TYR: variants seen among roughly 807,000 people sequenced by gnomAD.
TYR encodes tyrosinase, also known as LB24-AB.
TYR carries 58 observed loss-of-function variants against 51.5 expected under a neutral mutation model. The observed-to-expected ratio is 1.13, with a 90% CI of 0.91 to 1.40. The LOEUF is 1.40. Among genes scored for constraint, TYR ranks in the 40% most tolerant of loss-of-function variants. The pLI, the probability that TYR is intolerant of heterozygous loss-of-function variation, is 0.00. For missense variants in TYR, 732 were observed against 647.4 expected (o/e 1.13, Z -1.42); for synonymous variants, 263 against 235.2 (o/e 1.12, Z -1.08).
intron 1 of TYR, among the ~76,000 whole-genome samples, chr11:89,186,597 G>T (rs1052157128): frequency 6.6e-6 from 1 of 152,120 alleles, no homozygotes; most frequent in Non-Finnish European, 1.5e-5. Flanking sequence ...GTGAGGTTGG[G>T]TGTTGATCCC....
intron 3 of TYR, among the ~76,000 whole-genome samples, chr11:89,258,244 A>T (rs915160093): frequency 2.0e-5 from 3 of 152,020 alleles, no homozygotes; most frequent in African/African-American, 4.8e-5. Context: ...TTGAGGAATT[A>T]TGACACCTGA....
At position 89,208,742 on chromosome 11, in the gene TYR, A is replaced by G. The variant is rs191317644; in HGVS notation, c.1036+17324A>G. ...AATCCCTAATTTTGTAAGTACTTCT[A>G]AAACATATCTAATGATCTTTGTAAT... is the stretch of plus-strand genomic sequence containing the variant. On this transcript the variant is annotated intron_variant, in intron 2 of 4. Transcript: ENST00000263321. 7.3e-3 allele frequency among the ~76,000 whole-genome samples: 1,106 copies of G among 152,338 alleles called. 11 individuals carry two copies. Among genetic ancestry groups the G allele is most frequent in the Non-Finnish European group, 7.7e-3 (522 of 68,030 alleles).
chr11:89,208,571 T>C (rs1280037414), intron 2 of TYR, among the ~76,000 whole-genome samples: 2 of 152,200 alleles, frequency 1.3e-5, no homozygotes, highest in African/African-American at 4.8e-5. Context: ...TATCACTTTG[T>C]TTTCTGCCAA....
intron 2 of TYR, among the ~76,000 whole-genome samples, chr11:89,198,472 C>A (rs1182459430): frequency 6.6e-6 from 1 of 151,912 alleles, no homozygotes; most frequent in African/African-American, 2.4e-5. Context: ...CCTTTCCGGG[C>A]CTGTTTTAAT....
chr11:89,204,180 A>C (rs1031350843), intron 2 of TYR, among the ~76,000 whole-genome samples: 2 of 152,162 alleles, frequency 1.3e-5, no homozygotes, highest in Non-Finnish European at 2.9e-5. Flanking sequence ...AGCACTGTCT[A>C]GTGGTAATTA....
chr11:89,257,099 G>A (rs139427639), intron 3 of TYR, among the ~76,000 whole-genome samples: 1,561 of 152,064 alleles, frequency 0.01, 22 homozygotes, highest in African/African-American at 0.033. Flanking sequence ...AAATAAACAA[G>A]AAGGAACAAG....
chr11:89,249,312 T>C (rs1456500559), intron 3 of TYR, among the ~76,000 whole-genome samples: 8 of 151,758 alleles, frequency 5.3e-5, no homozygotes, highest in African/African-American at 1.9e-4. Flanking sequence ...GTCACAGAAA[T>C]TGAGTATAAA....
At chr11:89,218,701 T>C (rs1164099857) in intron 2 of TYR, among the ~76,000 whole-genome samples, 1 of 151,922 alleles carries the variant, frequency 6.6e-6, no homozygotes, top group Non-Finnish European at 1.5e-5. Context: ...TCCATTATCT[T>C]AATTATTCTT....
At position 89,271,806 on chromosome 11, in the gene TYR, C is replaced by A. The variant is rs577446547; in HGVS notation, c.1185-12967C>A. ...TTATTAGATAAGTTTATAGAATATTCTAAGTACTTTGTTGTCAGTTCAACA... is the reference window on the plus strand; with the variant it reads ...TTATTAGATAAGTTTATAGAATATTATAAGTACTTTGTTGTCAGTTCAACA... On this transcript the variant is annotated intron_variant, in intron 3 of 4. Coordinates refer to ENST00000263321, the MANE Select transcript of TYR (RefSeq NM_000372.5). Among the ~76,000 whole-genome samples the A allele has an allele frequency of 2.0e-5, 3 of 152,026 alleles. No homozygotes were observed. In the South Asian group the frequency reaches 6.2e-4, roughly 32 times the overall value.
chr11:89,245,699 G>C (rs1030524703), intron 3 of TYR, among the ~76,000 whole-genome samples: 18 of 152,128 alleles, frequency 1.2e-4, no homozygotes, highest in African/African-American at 4.3e-4. Flanking sequence ...AAGGCGGGCG[G>C]ATTATGAGGT....
chr11:89,199,960 A>G (rs1243514614), intron 2 of TYR, among the ~76,000 whole-genome samples: 1 of 152,252 alleles, frequency 6.6e-6, no homozygotes, highest in Admixed American at 6.5e-5. Context: ...AGAGTCAGGC[A>G]TTAAGACATA....
intron 2 of TYR, among the ~76,000 whole-genome samples, chr11:89,203,323 C>T (rs1943624751): frequency 6.6e-6 from 1 of 152,188 alleles, no homozygotes; most frequent in African/African-American, 2.4e-5. Flanking sequence ...AAGCCTTCTT[C>T]AGCCTGCTAA....
At chr11:89,288,318 G>A (rs1259086680) in intron 4 of TYR, among the ~76,000 whole-genome samples, 5 of 151,950 alleles carry the variant, frequency 3.3e-5, no homozygotes, top group Admixed American at 3.3e-4. Context: ...TACAAAGCTA[G>A]TAAGTGTCAA....
chr11:89,210,825 A>G (rs1943744609), intron 2 of TYR, among the ~76,000 whole-genome samples: 1 of 152,230 alleles, frequency 6.6e-6, no homozygotes, highest in African/African-American at 2.4e-5. Flanking sequence ...ACATTCTTAA[A>G]TAATTTTCAA....
chr11:89,226,085 T>C (rs772248569), intron 2 of TYR, among the ~76,000 whole-genome samples: 12 of 152,096 alleles, frequency 7.9e-5, no homozygotes, highest in Admixed American at 3.9e-4. Flanking sequence ...CTTTAAAAAG[T>C]GTGAGAGTTT....
chr11:89,204,402 T>C (rs1943643095), intron 2 of TYR, among the ~76,000 whole-genome samples: 1 of 152,014 alleles, frequency 6.6e-6, no homozygotes, highest in Admixed American at 6.6e-5. Flanking sequence ...TATACATTTT[T>C]TTTTTTTTGA....
intron 4 of TYR, among the ~76,000 whole-genome samples, chr11:89,290,777 G>A (rs1590906567): frequency 1.3e-5 from 2 of 152,078 alleles, no homozygotes; most frequent in Admixed American, 1.3e-4. Flanking sequence ...GCCATGACTT[G>A]CTGCAAGGTA....
intron 2 of TYR, among the ~76,000 whole-genome samples, chr11:89,207,176 T>A (rs1396537184): frequency 6.6e-6 from 1 of 151,880 alleles, no homozygotes; most frequent in Non-Finnish European, 1.5e-5. Context: ...GATATGAATA[T>A]AACAAGCAGC....
chr11:89,220,994 C>CA (rs1195316657), intron 2 of TYR, among the ~76,000 whole-genome samples: 2 of 152,180 alleles, frequency 1.3e-5, no homozygotes, highest in African/African-American at 2.4e-5. Context: ...TTTAATAACA[C>CA]AAAAACCTTT....
Sources: gnomAD v4.1 joint callset for allele counts (sites outside exome capture counted in the v4.1 genomes callset) on GRCh38, gnomAD v4.1.1 for gene constraint, MANE v1.5 for transcripts, NCBI Gene and HGNC (gene_info 2026-07-23, HGNC 2026-07-21) for gene names.